CDR2L: variants seen among roughly 807,000 people sequenced by gnomAD.
CDR2L encodes cerebellar degeneration-related protein 2-like.
CDR2L carries 19 observed loss-of-function variants against 36.1 expected under a neutral mutation model. That is an observed-to-expected ratio of 0.53 (90% CI 0.37 to 0.77). CDR2L has a LOEUF of 0.77. Ranked by LOEUF, CDR2L falls within the 30% of genes least tolerant of loss-of-function variation. The probability of loss-of-function intolerance (pLI) is 0.00; values close to 1 mark genes in which losing one functional copy is unlikely to be tolerated. For missense variants in CDR2L, 575 were observed against 627.2 expected (o/e 0.92, Z 0.89); for synonymous variants, 285 against 280.4 (o/e 1.02, Z -0.16).
rs942757005 is a variant in CDR2L at position 74,989,554 on chromosome 17, A to G, written c.79+1432A>G. Among the ~76,000 whole-genome samples, 7 of 152,186 alleles carry G rather than the reference A, an allele frequency of 4.6e-5. No individual in the cohort carries two copies. Among genetic ancestry groups the G allele is most frequent in the Admixed American group, 4.6e-4 (7 of 15,266 alleles). ...AGACACCATCCTGGGAGCTAGGAATAGTCACAGCCCTGACCCTGAAGGTAT... is the reference window on the plus strand; with the variant it reads ...AGACACCATCCTGGGAGCTAGGAATGGTCACAGCCCTGACCCTGAAGGTAT... On this transcript the variant is annotated intron_variant, in intron 1 of 4. Coordinates refer to ENST00000337231, the MANE Select transcript of CDR2L (RefSeq NM_014603.3). The surrounding 1 kb of genome is among the most constrained non-coding windows in gnomAD (Gnocchi z 4.2).
chr17:75,000,511 G>C (rs2039858871), intron 2 of CDR2L, among the ~76,000 whole-genome samples: 1 of 148,570 alleles, frequency 6.7e-6, no homozygotes, highest in African/African-American at 2.5e-5. Context: ...TGTTAGCCAG[G>C]ATGGTCTCCA....
At chr17:75,001,208 T>G in intron 2 of CDR2L, 133 bp from the exon 3 acceptor site, 1 of 949,242 alleles carries the variant, frequency 1.1e-6, no homozygotes, top group Non-Finnish European at 1.5e-6. Flanking sequence ...CACTTCAGCC[T>G]GGGCAACACA....
chr17:75,003,157 C>G, intron 4 of CDR2L, 26 bp from the exon 5 acceptor site: 1 of 1,551,760 alleles, frequency 6.4e-7, no homozygotes, highest in Non-Finnish European at 8.7e-7. Context: ...CGCCCCCACC[C>G]CGCTGCGACT....
rs553464678 is a variant in CDR2L at position 75,004,187 on chromosome 17, C to G, written c.*113C>G. 3 of 904,158 alleles carry G rather than the reference C, an allele frequency of 3.3e-6. No homozygotes were observed. Among genetic ancestry groups the G allele is most frequent in the East Asian group, 2.7e-5 (1 of 37,478 alleles). 56.0% of individuals were successfully genotyped at this position (904,158 alleles called of 1,614,324 possible). A position where few individuals can be genotyped will look rare whatever the true frequency, so the allele number is the denominator to read the frequency against. On this transcript the variant is annotated 3_prime_UTR_variant, in exon 5 of 5. Transcript: ENST00000337231. ...TTTAGCGGCCTGCCACCACAGCACG[C>G]GGCCTCCTGATCCGGAAGCACGCAG...
Position 75,004,286 on chromosome 17 carries a change from A to G in CDR2L, c.*212A>G. 1.8e-6 allele frequency: 1 copy of G among 550,414 alleles called. No homozygotes were observed. Among genetic ancestry groups the G allele is most frequent in the Non-Finnish European group, 3.2e-6 (1 of 310,410 alleles). The allele number at this position is 550,414 out of a possible 1,614,324, so 34.1% of individuals were successfully genotyped here. A position where few individuals can be genotyped will look rare whatever the true frequency, so the allele number is the denominator to read the frequency against. The stretch of plus-strand genomic sequence containing the variant: ...GCCCTTGGCCACCTCGCGCCAGCCC[A>G]AAGGCGCAGCTCTGAGTTCAAAGCC... On this transcript the variant is annotated 3_prime_UTR_variant, in exon 5 of 5. Transcript: ENST00000337231.
chr17:74,991,392 G>A (rs1443870886), intron 1 of CDR2L, among the ~76,000 whole-genome samples: 2 of 112,478 alleles, frequency 1.8e-5, no homozygotes, highest in Admixed American at 2.1e-4. Context: ...GGCAACAAGA[G>A]CAAACTCTGT....
At chr17:75,001,306 T>A (rs778102598) in intron 2 of CDR2L, 35 bp from the exon 3 acceptor site, 2 of 1,566,592 alleles carry the variant, frequency 1.3e-6, no homozygotes, top group African/African-American at 1.4e-5. Flanking sequence ...CCCTGCCCAA[T>A]TCTAAAAAGT....
At position 75,003,955 on chromosome 17, in the gene CDR2L, A is replaced by G; in HGVS notation, c.1279A>G (p.Lys427Glu). Reference sequence around the variant, plus strand: ...GAGCCAGCACGTGGAGGCCGTGGACAAGCGGCTGGAACAGAGCCAGCCCGA... The same window carrying G: ...GAGCCAGCACGTGGAGGCCGTGGACGAGCGGCTGGAACAGAGCCAGCCCGA... The part of the protein sequence containing the change: ...SLSQHVEAVD[K>E]RLEQSQPEYK... Residue 427 changes from lysine (K) to glutamate (E), a missense_variant, in exon 5 of 5, where the codon AAG becomes GAG. Transcript: ENST00000337231. 6.2e-7 allele frequency: 1 copy of G among 1,610,642 alleles called. No individual in the cohort carries two copies. The highest frequency in any genetic ancestry group is 1.1e-5 in the South Asian group (1 of 90,384).
At chr17:75,001,308 C>A in intron 2 of CDR2L, 33 bp from the exon 3 acceptor site, 1 of 1,569,066 alleles carries the variant, frequency 6.4e-7, no homozygotes, top group Non-Finnish European at 8.6e-7. Flanking sequence ...CTGCCCAATT[C>A]TAAAAAGTTA....
intron 2 of CDR2L, 51 bp downstream of exon 2, chr17:74,999,667 G>T: frequency 8.7e-7 from 1 of 1,153,362 alleles, no homozygotes. Flanking sequence ...CCCTTGGCCT[G>T]TGTGTGCCTT....
chr17:75,002,107 C>T lies in CDR2L; in HGVS notation c.385C>T (p.Leu129=). 6.2e-7 allele frequency: 1 copy of T among 1,601,214 alleles called. No individual in the cohort carries two copies. Among genetic ancestry groups the T allele is most frequent in the East Asian group, 2.3e-5 (1 of 44,238 alleles). ...IERLQAQVEE[L]QAQVEQLRGL... Reference sequence around the variant, plus strand: ...GCGCCTCCAGGCTCAGGTGGAGGAGCTGCAGGCCCAGGTGGAGCAACTGAG... The same window carrying T: ...GCGCCTCCAGGCTCAGGTGGAGGAGTTGCAGGCCCAGGTGGAGCAACTGAG... The change falls in exon 4 of 5, where the codon CTG becomes TTG. Residue 129 remains leucine (L), a synonymous_variant. Transcript: ENST00000337231. The surrounding 1 kb of genome is among the most constrained non-coding windows in gnomAD (Gnocchi z 4.1).
chr17:74,995,535 C>T (rs978186629), intron 1 of CDR2L, among the ~76,000 whole-genome samples: 1 of 151,952 alleles, frequency 6.6e-6, no homozygotes, highest in Non-Finnish European at 1.5e-5. Flanking sequence ...GAGACAGGGT[C>T]TCTCTCTGTC....
At chr17:74,994,016 A>G (rs1418484126) in intron 1 of CDR2L, among the ~76,000 whole-genome samples, 3 of 152,180 alleles carry the variant, frequency 2.0e-5, no homozygotes, top group Non-Finnish European at 4.4e-5. Context: ...CTGAAGGCCC[A>G]AGGCTCTGCC....
In CDR2L at chr17:75,002,154, G is replaced by T. The variant is rs1474023660; in HGVS notation, c.432G>T (p.Val144=). Residue 144 remains valine (V), a synonymous_variant, in exon 4 of 5, where the codon GTG becomes GTT. Coordinates refer to ENST00000337231, the MANE Select transcript of CDR2L (RefSeq NM_014603.3). The surrounding 1 kb of genome is among the most constrained non-coding windows in gnomAD (Gnocchi z 4.1). ...TGAGAGGCCTGGAACAGCTGCGAGTGCTCCGGGAGAAGCGGGAACGCAGGC... is the reference window on the plus strand; with the variant it reads ...TGAGAGGCCTGGAACAGCTGCGAGTTCTCCGGGAGAAGCGGGAACGCAGGC... ...EQLRGLEQLR[V]LREKRERRRT... is the part of the protein sequence containing the mutation. The T allele has an allele frequency of 1.8e-5, 29 of 1,606,936 alleles. No individual in the cohort carries two copies. The highest frequency in any genetic ancestry group is 2.5e-5 in the Non-Finnish European group (29 of 1,177,116).
chr17:75,003,791 G>A lies in CDR2L; in HGVS notation c.1115G>A (p.Ser372Asn). The A allele has an allele frequency of 6.5e-7, 1 of 1,529,920 alleles. No individual in the cohort carries two copies. The highest frequency in any genetic ancestry group is 8.8e-7 in the Non-Finnish European group (1 of 1,136,556). 94.8% of individuals were successfully genotyped at this position (1,529,920 alleles called of 1,614,324 possible). A position where few individuals can be genotyped will look rare whatever the true frequency, so the allele number is the denominator to read the frequency against. Residue 372 changes from serine (S) to asparagine (N), a missense_variant, in exon 5 of 5, where the codon AGC becomes AAC. By Grantham distance (46) the Ser-to-Asn change is conservative. Coordinates refer to ENST00000337231, the MANE Select transcript of CDR2L (RefSeq NM_014603.3). ...CTGGAGAAGTACGAGGAGCTGCTGA[G>A]CAAGTGCCGGCAGCACGGGGCCGGA... is the stretch of plus-strand genomic sequence containing the variant. Reference protein sequence around the residue: ...ALLEKYEELLSKCRQHGAGVR... With the variant: ...ALLEKYEELLNKCRQHGAGVR...
intron 1 of CDR2L, among the ~76,000 whole-genome samples, chr17:74,996,664 C>T (rs932939851): frequency 2.6e-5 from 4 of 152,012 alleles, no homozygotes; most frequent in African/African-American, 9.7e-5. Flanking sequence ...CAGATTCCCT[C>T]CTAGCCTATC....
chr17:75,001,964 C>T, intron 3 of CDR2L, 100 bp from the exon 4 acceptor site: 1 of 1,062,068 alleles, frequency 9.4e-7, no homozygotes. Context: ...CTGTCTGCCT[C>T]CTACCCAACG....
chr17:74,993,405 G>A (rs751110740), intron 1 of CDR2L, among the ~76,000 whole-genome samples: 12 of 152,114 alleles, frequency 7.9e-5, no homozygotes, highest in Admixed American at 3.3e-4. Flanking sequence ...AGCCTTCTGA[G>A]TAGCTGAGAT....
intron 2 of CDR2L, among the ~76,000 whole-genome samples, chr17:75,001,033 A>C (rs1005257600): frequency 6.6e-6 from 1 of 151,828 alleles, no homozygotes; most frequent in Non-Finnish European, 1.5e-5. Context: ...CAGGAGTTCA[A>C]GACCAACCTG....
Sources: gnomAD v4.1 joint callset for allele counts (sites outside exome capture counted in the v4.1 genomes callset) on GRCh38, gnomAD v4.1.1 for gene constraint, Gnocchi (gnomAD v3.1) non-coding constraint, MANE v1.5 for transcripts, NCBI Gene and HGNC (gene_info 2026-07-23, HGNC 2026-07-21) for gene names.